NR2F1-AS1: variants seen among roughly 807,000 people sequenced by gnomAD.
NR2F1-AS1 encodes the protein NR2F1 regulatory antisense RNA 1.
chr5:93,444,659 A>G (rs1749653769), intron 4 of NR2F1-AS1, among the ~76,000 whole-genome samples: 1 of 152,194 alleles, frequency 6.6e-6, no homozygotes, highest in South Asian at 2.1e-4. Context: ...AAAGTTAACA[A>G]GGATATCCAG....
At chr5:93,541,667 C>T (rs758543101) in intron 4 of NR2F1-AS1, among the ~76,000 whole-genome samples, 1 of 151,972 alleles carries the variant, frequency 6.6e-6, no homozygotes, top group African/African-American at 2.4e-5. Context: ...TCCCTCAAAC[C>T]TTCCACTACC....
chr5:93,418,173 T>C (rs2149841131), intron 4 of NR2F1-AS1, among the ~76,000 whole-genome samples: 1 of 152,192 alleles, frequency 6.6e-6, no homozygotes, highest in Admixed American at 6.5e-5. Context: ...CTGGCCAGAC[T>C]CTCAATAGGT....
upstream of NR2F1-AS1, among the ~76,000 whole-genome samples, chr5:93,582,706 T>G (rs1753131774): frequency 6.6e-6 from 1 of 152,224 alleles, no homozygotes; most frequent in African/African-American, 2.4e-5. Context: ...CCTCTAATTC[T>G]CCTTTTGCCC....
intron 2 of NR2F1-AS1, among the ~76,000 whole-genome samples, chr5:93,562,328 G>C (rs149578583): frequency 1.3e-5 from 2 of 151,988 alleles, no homozygotes; most frequent in African/African-American, 4.8e-5. Context: ...TATCTCCCAG[G>C]CTTCCTAGGC....
intron 4 of NR2F1-AS1, among the ~76,000 whole-genome samples, chr5:93,509,614 CA>C (rs1322620467): frequency 6.6e-6 from 1 of 151,884 alleles, no homozygotes; most frequent in Non-Finnish European, 1.5e-5. Flanking sequence ...TGAAGGAACT[CA>C]AGAGTCTTTA....
At position 93,475,284 on chromosome 5, in the gene NR2F1-AS1, G is replaced by A. The variant is rs78726057; in HGVS notation, n.638+78477C>T. Among the ~76,000 whole-genome samples the A allele has an allele frequency of 3.9e-3, 600 of 152,204 alleles. 11 individuals carry two copies. The East Asian group carries it at 0.052, about 13-fold the overall frequency. ...CTATGGACCTGCACAAAATATGGATGGCTGAACACAGGCCGTGTCTTTTAA... is the reference window on the plus strand; with the variant it reads ...CTATGGACCTGCACAAAATATGGATAGCTGAACACAGGCCGTGTCTTTTAA... On this transcript the variant is annotated intron_variant and non_coding_transcript_variant, in intron 4 of 5. Coordinates refer to ENST00000660523, the Ensembl canonical transcript of NR2F1-AS1.
chr5:93,543,951 G>T (rs1752016322), intron 4 of NR2F1-AS1: 1 of 152,076 alleles, frequency 6.6e-6, no homozygotes, highest in Non-Finnish European at 1.5e-5. Flanking sequence ...ATATACAAAG[G>T]CCCACAGTCT....
chr5:93,575,654 T>C (rs1752879177), intron 1 of NR2F1-AS1, among the ~76,000 whole-genome samples: 1 of 152,162 alleles, frequency 6.6e-6, no homozygotes, highest in African/African-American at 2.4e-5. Flanking sequence ...CACTGTGACT[T>C]CCAGTTGAAA....
chr5:93,443,016 C>G (rs530234416), intron 4 of NR2F1-AS1, among the ~76,000 whole-genome samples: 1 of 152,106 alleles, frequency 6.6e-6, no homozygotes, highest in African/African-American at 2.4e-5. Flanking sequence ...ACAGAAAGGA[C>G]GTCCACACCA....
At chr5:93,499,339 C>A (rs1163654574) in intron 4 of NR2F1-AS1, among the ~76,000 whole-genome samples, 2 of 152,106 alleles carry the variant, frequency 1.3e-5, no homozygotes, top group Non-Finnish European at 2.9e-5. Flanking sequence ...TTGTGGCAAC[C>A]CTGCATCGAT....
chr5:93,444,314 T>A (rs544106650), intron 4 of NR2F1-AS1, among the ~76,000 whole-genome samples: 66 of 152,238 alleles, frequency 4.3e-4, no homozygotes, highest in African/African-American at 1.5e-3. Flanking sequence ...TCATCTCAGG[T>A]GCAGAGACAC....
intron 4 of NR2F1-AS1, among the ~76,000 whole-genome samples, chr5:93,471,007 C>A (rs376478923): frequency 6.6e-6 from 1 of 151,610 alleles, no homozygotes; most frequent in African/African-American, 2.4e-5. Flanking sequence ...CCATTTATAC[C>A]AAATTTTACT....
At chr5:93,423,479 A>G (rs1749133524) in intron 4 of NR2F1-AS1, among the ~76,000 whole-genome samples, 1 of 152,190 alleles carries the variant, frequency 6.6e-6, no homozygotes. Flanking sequence ...AACAGACATC[A>G]GTCAACAGCC....
Position 93,473,438 on chromosome 5 carries a change from T to C in NR2F1-AS1, n.639-77896A>G, listed in dbSNP as rs1015794093. On this transcript the variant is annotated intron_variant and non_coding_transcript_variant, in intron 4 of 5. Transcript: ENST00000660523. ...TCATCCCAAGGGAAAATATTAAATA[T>C]ACAGAGGTTTCTTTGGAAGCCTCCC... 4.0e-5 allele frequency among the ~76,000 whole-genome samples: 6 copies of C among 151,790 alleles called. No individual in the cohort carries two copies. The East Asian group carries it at 1.2e-3, about 29-fold the overall frequency.
chr5:93,443,596 G>A, intron 4 of NR2F1-AS1, among the ~76,000 whole-genome samples: 1 of 152,188 alleles, frequency 6.6e-6, no homozygotes. Flanking sequence ...AAAGTGATGA[G>A]GGGAATGGAA....
chr5:93,559,313 C>T (rs1434321743), intron 2 of NR2F1-AS1, among the ~76,000 whole-genome samples: 1 of 152,204 alleles, frequency 6.6e-6, no homozygotes, highest in East Asian at 1.9e-4. Flanking sequence ...GTGTAACTTC[C>T]TCAACCTTCA....
intron 4 of NR2F1-AS1, chr5:93,496,058 T>A (rs2149882966): frequency 6.6e-6 from 1 of 152,164 alleles, no homozygotes; most frequent in African/African-American, 2.4e-5. Flanking sequence ...ATGAATTACC[T>A]CTCCAAGACT....
intron 4 of NR2F1-AS1, among the ~76,000 whole-genome samples, chr5:93,508,798 T>C (rs1321374453): frequency 6.6e-6 from 1 of 152,108 alleles, no homozygotes; most frequent in Non-Finnish European, 1.5e-5. Flanking sequence ...GAAAGGTTGT[T>C]CATCCTCACT....
intron 4 of NR2F1-AS1, among the ~76,000 whole-genome samples, chr5:93,544,218 T>C (rs1752023346): frequency 1.3e-5 from 2 of 152,104 alleles, no homozygotes; most frequent in South Asian, 2.1e-4. Flanking sequence ...TGAGGAACCA[T>C]AGATCAGGAA....
Sources: allele counts gnomAD v4.1 joint callset (sites outside exome capture counted in the v4.1 genomes callset), GRCh38; gene constraint gnomAD v4.1.1; transcripts MANE v1.5; gene names NCBI Gene and HGNC (gene_info 2026-07-23, HGNC 2026-07-21).